The following NFXL1 variants were observed in gnomAD, a reference collection of about 807,000 sequenced individuals.
NFXL1 encodes the protein nuclear transcription factor, X-box binding like 1, also known as NF-X1-type zinc finger protein NFXL1.
A neutral mutation model predicts 123.3 loss-of-function variants in NFXL1; 66 were observed. That is an observed-to-expected ratio of 0.54 (90% CI 0.44 to 0.66). NFXL1 has a LOEUF of 0.66. Among genes scored for constraint, NFXL1 ranks in the 30% least tolerant of loss-of-function variants. The probability of loss-of-function intolerance (pLI) is 0.00; values close to 1 mark genes in which losing one functional copy is unlikely to be tolerated. For synonymous variants in NFXL1, 346 were observed against 360.8 expected, an observed-to-expected ratio of 0.96 and a Z score of 0.46; for missense variants, 944 against 1,125.6, an observed-to-expected ratio of 0.84 and a Z score of 2.31.
intron 3 of NFXL1, 89 bp downstream of exon 3, chr4:47,910,735 C>G (rs940260199): frequency 2.8e-6 from 2 of 708,250 alleles, no homozygotes; most frequent in East Asian, 5.6e-5. Context: ...GATATAAAAT[C>G]TATTCCATAT....
At chr4:47,869,965 A>G (rs888162440) in intron 18 of NFXL1, among the ~76,000 whole-genome samples, 9 of 152,122 alleles carry the variant, frequency 5.9e-5, no homozygotes, top group Non-Finnish European at 1.0e-4. Context: ...ATCTAGATGA[A>G]ATAGATAATT....
In NFXL1 at chr4:47,912,608, G is replaced by A. The variant is rs1737887244; in HGVS notation, c.235+1361C>T. Among the ~76,000 whole-genome samples the A allele has an allele frequency of 2.0e-5, 3 of 149,644 alleles. No homozygotes were observed. In the South Asian group the frequency reaches 6.3e-4, roughly 32 times the overall value. Reference sequence around the variant, plus strand: ...CGAGTAGCTGGGACTACAGGCGCCTGCCACCCCGCCCGGCTAATTTTTTGT... The same window carrying A: ...CGAGTAGCTGGGACTACAGGCGCCTACCACCCCGCCCGGCTAATTTTTTGT... On this transcript the variant is annotated intron_variant, in intron 2 of 22. Transcript: ENST00000507489.
At chr4:47,908,127 GA>G (rs1464422666) in intron 3 of NFXL1, among the ~76,000 whole-genome samples, 8 of 152,200 alleles carry the variant, frequency 5.3e-5, no homozygotes, top group African/African-American at 1.9e-4. Flanking sequence ...CCTTCTGTCT[GA>G]AGACTTGATT....
intron 22 of NFXL1, among the ~76,000 whole-genome samples, chr4:47,849,435 C>T (rs1733994169): frequency 6.6e-6 from 1 of 151,972 alleles, no homozygotes; most frequent in African/African-American, 2.4e-5. Flanking sequence ...ATAATATCCA[C>T]CTAAAACTTT....
rs1737417459 is a variant in NFXL1, at chr4:47,903,099, G to C, written c.647+94C>G. On this transcript the variant is annotated intron_variant, in intron 5 of 22. Coordinates refer to ENST00000507489, the MANE Select transcript of NFXL1 (RefSeq NM_001278624.2). ...GAACCCAGGAGGTGGAGGTTGCAGT[G>C]AGCCAAGATCGCCACTGCACTCCAG... is the stretch of plus-strand genomic sequence containing the variant. 1.5e-5 allele frequency: 11 copies of C among 753,666 alleles called. No individual in the cohort carries two copies. In the South Asian group the frequency reaches 2.5e-4, roughly 17 times the overall value. The allele number at this position is 753,666 out of a possible 1,614,324, so 46.7% of individuals were successfully genotyped here.
At chr4:47,908,996 C>T (rs1387765760) in intron 3 of NFXL1, among the ~76,000 whole-genome samples, 2 of 149,394 alleles carry the variant, frequency 1.3e-5, no homozygotes, top group African/African-American at 4.9e-5. Context: ...TAAAAGAAAG[C>T]AGCAGTTACG....
intron 18 of NFXL1, among the ~76,000 whole-genome samples, chr4:47,863,992 T>A (rs1365055935): frequency 6.6e-6 from 1 of 152,224 alleles, no homozygotes; most frequent in Non-Finnish European, 1.5e-5. Context: ...TTCAGTCTCC[T>A]TAATGTTAAT....
intron 3 of NFXL1, among the ~76,000 whole-genome samples, chr4:47,908,414 ACTGT>A (rs1255953628): frequency 1.2e-5 from 1 of 81,526 alleles, no homozygotes; most frequent in Non-Finnish European, 2.4e-5. Flanking sequence ...ATAGAAGAAG[ACTGT>A]CTCCAAAAAA....
intron 2 of NFXL1, among the ~76,000 whole-genome samples, chr4:47,912,621 G>A (rs1737888758): frequency 1.3e-5 from 2 of 149,348 alleles, no homozygotes; most frequent in African/African-American, 4.9e-5. Context: ...ACCCCGCCCG[G>A]CTAATTTTTT....
At chr4:47,879,641 C>T (rs1735966632) in intron 15 of NFXL1, among the ~76,000 whole-genome samples, 1 of 152,010 alleles carries the variant, frequency 6.6e-6, no homozygotes, top group African/African-American at 2.4e-5. Flanking sequence ...AAAGCAAAGT[C>T]CAAAGACTGA....
intron 12 of NFXL1, among the ~76,000 whole-genome samples, chr4:47,888,765 T>A (rs191487632): frequency 6.6e-6 from 1 of 152,018 alleles, no homozygotes; most frequent in Non-Finnish European, 1.5e-5. Context: ...AAAAAGGAGA[T>A]AGAGGATGGA....
In NFXL1 at chr4:47,914,204, C is replaced by A; in HGVS notation, c.-1G>T. 6.7e-7 allele frequency: 1 copy of A among 1,500,484 alleles called. No homozygotes were observed. Among genetic ancestry groups the A allele is most frequent in the African/African-American group, 1.4e-5 (1 of 71,168 alleles). 92.9% of individuals were successfully genotyped at this position (1,500,484 alleles called of 1,614,324 possible). On this transcript the variant is annotated splice_region_variant and 5_prime_UTR_variant, in exon 2 of 23. Coordinates refer to ENST00000507489, the MANE Select transcript of NFXL1 (RefSeq NM_001278624.2). ...CCACCTGGCGCCAGGAAGCTTCCAT[C>A]CCTGCAAAGGAGAAAAAAAAAAAAA...
At chr4:47,861,247 A>G (rs940645282) in intron 19 of NFXL1, among the ~76,000 whole-genome samples, 4 of 152,212 alleles carry the variant, frequency 2.6e-5, no homozygotes, top group African/African-American at 7.2e-5. Context: ...ACCAACGTCA[A>G]GAGACCATAA....
chr4:47,904,639 G>A (rs1737485425), intron 4 of NFXL1, among the ~76,000 whole-genome samples: 1 of 152,208 alleles, frequency 6.6e-6, no homozygotes, highest in African/African-American at 2.4e-5. Context: ...TATAATAGCA[G>A]TGAATTAATC....
At chr4:47,867,122 G>C (rs1735148454) in intron 18 of NFXL1, among the ~76,000 whole-genome samples, 1 of 151,884 alleles carries the variant, frequency 6.6e-6, no homozygotes, top group African/African-American at 2.4e-5. Context: ...TGTGAGTCCT[G>C]GCAAATTACC....
intron 4 of NFXL1, among the ~76,000 whole-genome samples, chr4:47,904,440 C>G (rs1400977027): frequency 1.3e-5 from 2 of 152,306 alleles, no homozygotes; most frequent in East Asian, 3.9e-4. Flanking sequence ...GGGTTTCTAT[C>G]TGCATGCAGA....
intron 22 of NFXL1, 147 bp downstream of exon 22, chr4:47,850,948 G>T: frequency 1.7e-6 from 1 of 596,202 alleles, no homozygotes; most frequent in Non-Finnish European, 3.0e-6. Flanking sequence ...CAAGTTAGTA[G>T]ATGGCTCATT....
chr4:47,898,674 C>T, intron 8 of NFXL1, 83 bp downstream of exon 8: 1 of 894,732 alleles, frequency 1.1e-6, no homozygotes, highest in Non-Finnish European at 1.9e-6. Flanking sequence ...TCCAACTAAA[C>T]CTGATTAGCC....
At chr4:47,873,212 C>A (rs1372761846) in intron 18 of NFXL1, among the ~76,000 whole-genome samples, 1 of 152,184 alleles carries the variant, frequency 6.6e-6, no homozygotes, top group Non-Finnish European at 1.5e-5. Flanking sequence ...CAGTTACTTT[C>A]TGCACTGAAG....
Sources: allele counts gnomAD v4.1 joint callset (sites outside exome capture counted in the v4.1 genomes callset), GRCh38; gene constraint gnomAD v4.1.1; transcripts MANE v1.5; gene names NCBI Gene and HGNC (gene_info 2026-07-23, HGNC 2026-07-21).